The following DLG1 variants were observed in gnomAD, a reference collection of about 807,000 sequenced individuals.
DLG1 encodes discs large MAGUK scaffold protein 1.
A neutral mutation model predicts 123.4 loss-of-function variants in DLG1; 42 were observed. That is an observed-to-expected ratio of 0.34 (90% CI 0.27 to 0.44). The LOEUF is 0.44. Among genes scored for constraint, DLG1 ranks in the 20% least tolerant of loss-of-function variants. The pLI is 1.00. For missense variants in DLG1, 942 were observed against 1,082.6 expected, an observed-to-expected ratio of 0.87 and a Z score of 1.82; for synonymous variants, 317 against 356.2, an observed-to-expected ratio of 0.89 and a Z score of 1.24.
At chr3:197,180,057 G>GT (rs1188685543) in intron 5 of DLG1, among the ~76,000 whole-genome samples, 65 of 67,570 alleles carry the variant, frequency 9.6e-4, no homozygotes, top group East Asian at 4.7e-3. Context: ...GGCATGTTGT[G>GT]TTTTTTTTTT....
Position 197,205,288 on chromosome 3 carries a change from C to T in DLG1, c.319-10699G>A, listed in dbSNP as rs1042962067. 9.2e-5 allele frequency among the ~76,000 whole-genome samples: 14 copies of T among 151,704 alleles called. 1 individual carries two copies. The highest frequency in any genetic ancestry group is 1.7e-4 in the African/African-American group (7 of 41,262). On this transcript the variant is annotated intron_variant, in intron 4 of 24. Transcript: ENST00000667157. ...TGGCCATGACTGAATGAGATAAAGC[C>T]CTGAAACAATAATCATGAGAAAGGA...
chr3:197,189,056 T>G (rs1717752845), intron 5 of DLG1, among the ~76,000 whole-genome samples: 2 of 152,208 alleles, frequency 1.3e-5, no homozygotes, highest in Non-Finnish European at 2.9e-5. Context: ...TCTTAATCAT[T>G]CTTAAATTAC....
At chr3:197,217,276 T>C (rs1349282334) in intron 4 of DLG1, among the ~76,000 whole-genome samples, 3 of 152,128 alleles carry the variant, frequency 2.0e-5, no homozygotes, top group Non-Finnish European at 4.4e-5. Flanking sequence ...GATACAAAAA[T>C]AAAGAATTAA....
intron 5 of DLG1, among the ~76,000 whole-genome samples, chr3:197,172,015 T>C (rs1804451355): frequency 6.6e-6 from 1 of 152,152 alleles, no homozygotes; most frequent in Admixed American, 6.5e-5. Context: ...CCTTCTTCTA[T>C]TTCCCCCACA....
chr3:197,234,875 TTA>T (rs756931815), intron 4 of DLG1, among the ~76,000 whole-genome samples: 1 of 152,116 alleles, frequency 6.6e-6, no homozygotes, highest in Non-Finnish European at 1.5e-5. Context: ...ACGTCAAAAG[TTA>T]TGTTTTTTAA....
chr3:197,077,131 T>C (rs1747815940), intron 17 of DLG1, among the ~76,000 whole-genome samples: 1 of 152,022 alleles, frequency 6.6e-6, no homozygotes, highest in South Asian at 2.1e-4. Flanking sequence ...CCTTTATCTC[T>C]TTTTTTGTGG....
At chr3:197,201,211 G>C (rs1437073929) in intron 4 of DLG1, among the ~76,000 whole-genome samples, 1 of 152,092 alleles carries the variant, frequency 6.6e-6, no homozygotes, top group Non-Finnish European at 1.5e-5. Context: ...GTGAAAACCC[G>C]TCTCTACTAA....
At chr3:197,058,681 A>T (rs923760906) in intron 23 of DLG1, among the ~76,000 whole-genome samples, 1 of 152,240 alleles carries the variant, frequency 6.6e-6, no homozygotes, top group Admixed American at 6.5e-5. Flanking sequence ...CTTGCAGATG[A>T]TGAGTGCAGT....
chr3:197,142,903 T>C (rs1788767200), intron 6 of DLG1, 135 bp from the exon 7 acceptor site: 3 of 650,576 alleles, frequency 4.6e-6, no homozygotes, highest in Admixed American at 3.2e-5. Flanking sequence ...TTCATTTTAA[T>C]AATTCTGGGG....
At chr3:197,149,652 G>T in intron 6 of DLG1, 91 bp downstream of exon 6, 1 of 832,160 alleles carries the variant, frequency 1.2e-6, no homozygotes, top group Non-Finnish European at 2.1e-6. Flanking sequence ...AAATGTATTA[G>T]AGAAAACAAT....
intron 4 of DLG1, among the ~76,000 whole-genome samples, chr3:197,206,135 T>C (rs1378178335): frequency 6.6e-6 from 1 of 152,090 alleles, no homozygotes; most frequent in East Asian, 1.9e-4. Flanking sequence ...GGCAGAAGGG[T>C]AGGCAGGGAG....
intron 3 of DLG1, among the ~76,000 whole-genome samples, chr3:197,289,728 T>C (rs1177895482): frequency 6.6e-6 from 1 of 152,202 alleles, no homozygotes; most frequent in African/African-American, 2.4e-5. Context: ...GCACAAATAC[T>C]CTTTCTTCTA....
intron 5 of DLG1, chr3:197,161,581 C>G (rs1305169163): frequency 2.9e-5 from 31 of 1,061,462 alleles, no homozygotes; most frequent in Non-Finnish European, 3.9e-5. Context: ...AAAAAGAACA[C>G]AAATGAAACA....
In DLG1 at chr3:197,166,109, G is replaced by A. The variant is rs528026521; in HGVS notation, c.484-16313C>T. 7.5e-4 allele frequency among the ~76,000 whole-genome samples: 114 copies of A among 152,330 alleles called. 1 individual carries two copies. The highest frequency in any genetic ancestry group is 2.5e-3 in the African/African-American group (106 of 41,574). On this transcript the variant is annotated intron_variant, in intron 5 of 24. Transcript: ENST00000667157. The stretch of plus-strand genomic sequence containing the variant: ...ATGGACAAAGCCGTGGCGGCAGCCT[G>A]TGTGTGGTTGGAACCCAAGTGAGAC...
rs528510874 is a variant in DLG1 at position 197,128,838 on chromosome 3, T to G, written c.1165+1689A>C. Among the ~76,000 whole-genome samples, 29 of 143,356 alleles carry G rather than the reference T, an allele frequency of 2.0e-4. 1 individual carries two copies. The highest frequency in any genetic ancestry group is 4.7e-4 in the African/African-American group (18 of 38,600). The allele number at this position is 143,356 out of a possible 152,430, so 94.0% of individuals were successfully genotyped here. A position where few individuals can be genotyped will look rare whatever the true frequency, so the allele number is the denominator to read the frequency against. The stretch of plus-strand genomic sequence containing the variant: ...GAGCACTAATATTTTGAAAGGAGTG[T>G]TTTTTTTTTGTTTTTTTCTGAGCAG... On this transcript the variant is annotated intron_variant, in intron 11 of 24. Transcript: ENST00000667157.
chr3:197,226,803 A>G (rs1030198667), intron 4 of DLG1, among the ~76,000 whole-genome samples: 26 of 152,368 alleles, frequency 1.7e-4, no homozygotes, highest in African/African-American at 6.0e-4. Flanking sequence ...ACTCACCGAC[A>G]TATCACTGAT....
chr3:197,067,804 G>C (rs573191422), intron 19 of DLG1, among the ~76,000 whole-genome samples: 1 of 152,096 alleles, frequency 6.6e-6, no homozygotes, highest in Non-Finnish European at 1.5e-5. Flanking sequence ...TGATCTGCCC[G>C]CCTCGGCCTC....
intron 5 of DLG1, among the ~76,000 whole-genome samples, chr3:197,158,891 T>C (rs1470577826): frequency 4.6e-5 from 7 of 152,152 alleles, no homozygotes; most frequent in Non-Finnish European, 7.4e-5. Flanking sequence ...CATGATAGCT[T>C]TTCAGAACTG....
chr3:197,152,509 G>A (rs1273065320), intron 5 of DLG1, among the ~76,000 whole-genome samples: 1 of 149,522 alleles, frequency 6.7e-6, no homozygotes, highest in Non-Finnish European at 1.5e-5. Flanking sequence ...GGGTGCGGTG[G>A]CTCACGCCTG....
Sources: allele counts gnomAD v4.1 joint callset (sites outside exome capture counted in the v4.1 genomes callset), GRCh38; gene constraint gnomAD v4.1.1; transcripts MANE v1.5; gene names NCBI Gene and HGNC (gene_info 2026-07-23, HGNC 2026-07-21).